Variants in DMD observed in about 807,000 individuals in gnomAD.
DMD encodes the protein mutant dystrophin.
A neutral mutation model predicts 330.1 loss-of-function variants in DMD; 63 were observed. That is an observed-to-expected ratio of 0.19 (90% CI 0.16 to 0.24). The LOEUF is 0.24. Among genes scored for constraint, DMD ranks in the 10% least tolerant of loss-of-function variants. The pLI, the probability that DMD is intolerant of heterozygous loss-of-function variation, is 1.00. For missense variants in DMD, 3,344 were observed against 2,684.1 expected (o/e 1.25, Z -5.43); for synonymous variants, 1,223 against 959.8 (o/e 1.27, Z -5.07).
chrX:32,171,169 C>T (rs1473461977), intron 44 of DMD, among the ~76,000 whole-genome samples: 3 of 111,432 alleles, frequency 2.7e-5, no homozygotes, highest in Non-Finnish European at 5.7e-5. Context: ...TTTTGTCCAG[C>T]TAATATTTAA....
chrX:31,284,557 TTTCTTCTTCTTCTTCTTCTTCTTCTTC>T (rs201340042), intron 62 of DMD, among the ~76,000 whole-genome samples: 3 of 78,066 alleles, frequency 3.8e-5, no homozygotes, highest in African/African-American at 1.6e-4. Context: ...TAACGAACTG[TTTCTTCTTCTTCTTCTTCTTCTTCTTC>T]TTCTTCTTCT....
chrX:31,642,700 C>T (rs894255032), intron 54 of DMD, among the ~76,000 whole-genome samples: 3 of 110,987 alleles, frequency 2.7e-5, no homozygotes, highest in Non-Finnish European at 5.7e-5. Flanking sequence ...TCCAATGTTC[C>T]GTTTTCCTTA....
chrX:31,266,563 A>T (rs1319122967), intron 62 of DMD, among the ~76,000 whole-genome samples: 1 of 112,044 alleles, frequency 8.9e-6, no homozygotes, highest in Non-Finnish European at 1.9e-5. Flanking sequence ...TTTCTCTCCG[A>T]GCCCGTCCCA....
Position 31,835,281 on chromosome X carries a change from TAA to T in DMD, c.7200+1435_7200+1436del, listed in dbSNP as rs1045546647. ...ATTCATAGTCATACACCATAAGGCA[TAA>T]AGTCTTTGAGGATCAACAAAGAGTA... On this transcript the variant is annotated intron_variant, in intron 49 of 78. Transcript: ENST00000357033. 1.7e-4 allele frequency among the ~76,000 whole-genome samples: 19 copies of T among 112,212 alleles called. 1 individual carries two copies. Among genetic ancestry groups the T allele is most frequent in the African/African-American group, 5.8e-4 (18 of 30,910 alleles).
chrX:32,502,631 A>G (rs1409393541), intron 18 of DMD, among the ~76,000 whole-genome samples: 2 of 112,421 alleles, frequency 1.8e-5, no homozygotes, highest in Middle Eastern at 4.7e-3. Context: ...CTAAAACATA[A>G]CTATTCAAAT....
intron 57 of DMD, among the ~76,000 whole-genome samples, chrX:31,483,168 T>C (rs1412494573): frequency 9.8e-6 from 1 of 102,171 alleles, no homozygotes; most frequent in African/African-American, 3.6e-5. Context: ...TGCCTCAGCC[T>C]CCCGAGTAGC....
chrX:32,901,037 T>C (rs2086192117), intron 2 of DMD, among the ~76,000 whole-genome samples: 1 of 111,035 alleles, frequency 9.0e-6, no homozygotes, highest in Non-Finnish European at 1.9e-5. Flanking sequence ...TTTGGTATAC[T>C]AAAAAAAATC....
intron 11 of DMD, among the ~76,000 whole-genome samples, chrX:32,638,745 T>C (rs2059255803): frequency 8.9e-6 from 1 of 112,093 alleles, no homozygotes; most frequent in South Asian, 3.7e-4. Flanking sequence ...AATAACTTAA[T>C]TTAGTTGTTC....
chrX:32,346,901 C>A (rs2097765694), intron 38 of DMD, among the ~76,000 whole-genome samples: 1 of 111,577 alleles, frequency 9.0e-6, no homozygotes, highest in Non-Finnish European at 1.9e-5. Flanking sequence ...TTTCTTTCAA[C>A]TCAGAATGTG....
intron 29 of DMD, among the ~76,000 whole-genome samples, chrX:32,418,909 C>A (rs933747523): frequency 1.4e-4 from 13 of 91,590 alleles, no homozygotes; most frequent in Non-Finnish European, 2.6e-4. Flanking sequence ...GGAGGTAGAG[C>A]TGGCAGTGAG....
intron 7 of DMD, among the ~76,000 whole-genome samples, chrX:32,777,736 A>G (rs183147170): frequency 4.1e-4 from 46 of 112,729 alleles, no homozygotes; most frequent in African/African-American, 1.1e-3. Context: ...AGATGCTTCC[A>G]TAAGCATTTG....
At chrX:32,754,494 C>T (rs1211172264) in intron 7 of DMD, among the ~76,000 whole-genome samples, 2 of 109,473 alleles carry the variant, frequency 1.8e-5, no homozygotes, top group African/African-American at 6.7e-5. Context: ...ACCATCTTAT[C>T]CCGATACCAT....
At chrX:32,277,425 C>A (rs2097394670) in intron 43 of DMD, among the ~76,000 whole-genome samples, 1 of 104,118 alleles carries the variant, frequency 9.6e-6, no homozygotes, top group Admixed American at 1.0e-4. Flanking sequence ...GACAGAAGCT[C>A]AACCAAAGTA....
chrX:32,585,699 CAAAAAAAAAAAAAAAAAAA>C (rs61394183), intron 13 of DMD, among the ~76,000 whole-genome samples: 1 of 31,919 alleles, frequency 3.1e-5, no homozygotes, highest in Non-Finnish European at 5.6e-5. Context: ...GACTCCGTCT[CAAAAAAAAAAAAAAAAAAA>C]AAAAAAAAAA....
chrX:31,841,357 C>T (rs1227362801), intron 48 of DMD, among the ~76,000 whole-genome samples: 2 of 111,549 alleles, frequency 1.8e-5, no homozygotes, highest in African/African-American at 3.3e-5. Context: ...AAGCCCTCTC[C>T]GTAACATAAA....
chrX:32,577,629 G>T (rs2053206212), intron 13 of DMD, among the ~76,000 whole-genome samples: 1 of 112,380 alleles, frequency 8.9e-6, no homozygotes, highest in Non-Finnish European at 1.9e-5. Context: ...TGTATTCACT[G>T]TAGAAAGGCA....
At chrX:32,621,236 T>C (rs2057967025) in intron 11 of DMD, among the ~76,000 whole-genome samples, 1 of 111,438 alleles carries the variant, frequency 9.0e-6, no homozygotes, top group Non-Finnish European at 1.9e-5. Flanking sequence ...AAGAAAGACC[T>C]GTGAAAGGCC....
chrX:32,967,897 C>T (rs2092228131), intron 2 of DMD, among the ~76,000 whole-genome samples: 1 of 112,012 alleles, frequency 8.9e-6, no homozygotes. Context: ...CTCTTCTGAC[C>T]TGTCCAGTTA....
chrX:32,951,117 C>G (rs2146937203), intron 2 of DMD, among the ~76,000 whole-genome samples: 1 of 111,113 alleles, frequency 9.0e-6, no homozygotes, highest in African/African-American at 3.3e-5. Context: ...TATATTGTCG[C>G]AATATTCAGC....
Sources: gnomAD v4.1 joint callset for allele counts (sites outside exome capture counted in the v4.1 genomes callset) on GRCh38, gnomAD v4.1.1 for gene constraint, MANE v1.5 for transcripts, NCBI Gene and HGNC (gene_info 2026-07-23, HGNC 2026-07-21) for gene names.